The following ERN1 variants were observed in gnomAD, a reference collection of about 807,000 sequenced individuals.
ERN1 encodes endoplasmic reticulum to nucleus signaling 1, also known as serine/threonine-protein kinase/endoribonuclease IRE1.
A neutral mutation model predicts 113.1 loss-of-function variants in ERN1; 39 were observed. The ratio of observed to expected loss-of-function variants is 0.34; its 90% CI spans 0.27 to 0.45. ERN1 has a LOEUF of 0.45. Ranked by LOEUF, ERN1 falls within the 20% of genes least tolerant of loss-of-function variation. ERN1 has a pLI of 1.00. For synonymous variants in ERN1, 507 were observed against 515.9 expected (o/e 0.98, Z 0.23); for missense variants, 976 against 1,274.8 (o/e 0.77, Z 3.57).
At chr17:64,055,990 C>G in intron 12 of ERN1, 42 bp from the exon 13 acceptor site, 1 of 1,496,354 alleles carries the variant, frequency 6.7e-7, no homozygotes, top group South Asian at 1.3e-5. Flanking sequence ...CAGCTGTTCC[C>G]ACAGGGAAAC....
Position 64,049,575 on chromosome 17 carries a change from A to G in ERN1, c.2254-373T>C, listed in dbSNP as rs535841309. Among the ~76,000 whole-genome samples, 1 of 152,304 alleles carries G rather than the reference A, an allele frequency of 6.6e-6. No individual in the cohort carries two copies. The highest frequency in any genetic ancestry group is 6.5e-5 in the Admixed American group (1 of 15,304). On this transcript the variant is annotated intron_variant, in intron 17 of 21. Coordinates refer to ENST00000433197, the MANE Select transcript of ERN1 (RefSeq NM_001433.5). The surrounding 1 kb of genome is among the most constrained non-coding windows in gnomAD (Gnocchi z 4.7). ...TTATATATTCCTTACCCCCAACACGAAAGTGCTCACAGACAGGGTCTCTGT... is the reference window on the plus strand; with the variant it reads ...TTATATATTCCTTACCCCCAACACGGAAGTGCTCACAGACAGGGTCTCTGT...
intron 2 of ERN1, among the ~76,000 whole-genome samples, chr17:64,093,728 G>A (rs542880089): frequency 6.6e-6 from 1 of 152,242 alleles, no homozygotes; most frequent in South Asian, 2.1e-4. Flanking sequence ...ATCACACTGA[G>A]GGCCAGGGCT....
At chr17:64,112,458 T>C (rs1220297547) in intron 1 of ERN1, among the ~76,000 whole-genome samples, 3 of 152,114 alleles carry the variant, frequency 2.0e-5, no homozygotes, top group African/African-American at 4.8e-5. Context: ...AGTTATGGGA[T>C]TGTATTTCCA....
chr17:64,055,577 T>G, intron 13 of ERN1, 98 bp downstream of exon 13: 1 of 1,176,564 alleles, frequency 8.5e-7, no homozygotes, highest in Non-Finnish European at 1.2e-6. Context: ...AGTGAACCCC[T>G]GAGAATGGTA....
At chr17:64,078,665 T>G (rs1311572656) in intron 4 of ERN1, among the ~76,000 whole-genome samples, 1 of 152,136 alleles carries the variant, frequency 6.6e-6, no homozygotes, top group Non-Finnish European at 1.5e-5. Context: ...AGTCAATACT[T>G]TTATTCCTAT....
intron 2 of ERN1, among the ~76,000 whole-genome samples, chr17:64,086,504 T>C (rs1913928492): frequency 2.6e-5 from 4 of 152,166 alleles, no homozygotes; most frequent in African/African-American, 7.2e-5. Flanking sequence ...CACAATCTGT[T>C]TACCTATTTA....
chr17:64,054,193 G>T lies in ERN1; in HGVS notation c.1953+57C>A. 6.8e-7 allele frequency: 1 copy of T among 1,462,650 alleles called. No individual in the cohort carries two copies. 90.6% of individuals were successfully genotyped at this position (1,462,650 alleles called of 1,614,324 possible). On this transcript the variant is annotated intron_variant, in intron 15 of 21. Transcript: ENST00000433197. The surrounding 1 kb of genome is among the most constrained non-coding windows in gnomAD (Gnocchi z 4.9). ...GAGCTCACGTGATCTGCTCACTTTG[G>T]CCTCCCAAAGTGCTATGACTTTAAT...
chr17:64,043,657 T>C lies in ERN1; in HGVS notation c.*331A>G. 4.5e-6 allele frequency: 1 copy of C among 224,220 alleles called. No individual in the cohort carries two copies. The highest frequency in any genetic ancestry group is 2.3e-5 in the African/African-American group (1 of 44,382). The allele number at this position is 224,220 out of a possible 1,614,324, so 13.9% of individuals were successfully genotyped here. On this transcript the variant is annotated 3_prime_UTR_variant, in exon 22 of 22. Transcript: ENST00000433197. ...TTCCTGAAAGGCCTGTAGACTGACA[T>C]TAAGCAGGAATTTAAAAAGTCTGAA... is the stretch of plus-strand genomic sequence containing the variant.
At chr17:64,077,449 G>A (rs1263592581) in intron 4 of ERN1, among the ~76,000 whole-genome samples, 1 of 151,868 alleles carries the variant, frequency 6.6e-6, no homozygotes, top group African/African-American at 2.4e-5. Context: ...TAACTCTCCA[G>A]GGGTAACTAT....
chr17:64,040,869 G>C lies in ERN1; in HGVS notation c.*3119C>G, dbSNP rs899124264. 6.6e-6 allele frequency: 1 copy of C among 152,260 alleles called. No homozygotes were observed. Among genetic ancestry groups the C allele is most frequent in the Non-Finnish European group, 1.5e-5 (1 of 68,076 alleles). The allele number at this position is 152,260 out of a possible 1,614,324, so 9.4% of individuals were successfully genotyped here. ...CACTTCAAAAACTGAGATTAGGCCGGGTGCGGTGGCTCAAGCCTGTAATCC... is the reference window on the plus strand; with the variant it reads ...CACTTCAAAAACTGAGATTAGGCCGCGTGCGGTGGCTCAAGCCTGTAATCC... On this transcript the variant is annotated 3_prime_UTR_variant, in exon 22 of 22. Coordinates refer to ENST00000433197, the MANE Select transcript of ERN1 (RefSeq NM_001433.5).
At chr17:64,045,631 T>C in intron 19 of ERN1, 149 bp from the exon 20 acceptor site, 1 of 883,934 alleles carries the variant, frequency 1.1e-6, no homozygotes, top group Non-Finnish European at 1.8e-6. Flanking sequence ...CCCTCATCCA[T>C]GACTTTCCCT....
intron 1 of ERN1, chr17:64,102,771 T>C (rs1027225290): frequency 8.1e-6 from 8 of 985,194 alleles, no homozygotes; most frequent in Non-Finnish European, 9.6e-6. Flanking sequence ...ACAAGCAACA[T>C]ACCCTACGGC....
Position 64,052,956 on chromosome 17 carries a change from T to C in ERN1, c.2077A>G (p.Asn693Asp). Residue 693 changes from asparagine to aspartate, a missense_variant, in exon 17 of 22, where the codon AAC becomes GAC. By Grantham distance (23) the Asn-to-Asp change is conservative (BLOSUM62 1). Coordinates refer to ENST00000433197, the MANE Select transcript of ERN1 (RefSeq NM_001433.5). ...GCATTGGGCATGGATATGAGGATGT[T>C]GTGTGGCTTTAGGTCTCTGTGAACT... ...NIVHRDLKPH[N>D]ILISMPNAHG... is the part of the protein sequence containing the mutation. 1.2e-6 allele frequency: 2 copies of C among 1,612,914 alleles called. No homozygotes were observed. Among genetic ancestry groups the C allele is most frequent in the Non-Finnish European group, 1.7e-6 (2 of 1,179,290 alleles).
At chr17:64,108,967 A>T (rs1056655512) in intron 1 of ERN1, among the ~76,000 whole-genome samples, 1 of 152,148 alleles carries the variant, frequency 6.6e-6, no homozygotes, top group Non-Finnish European at 1.5e-5. Context: ...TACTAAAAAC[A>T]CAAAAAATTA....
chr17:64,054,089 A>G lies in ERN1; in HGVS notation c.1953+161T>C, dbSNP rs1912775190. ...CAAGTAGCTGGGGCTACAGGAACAC[A>G]TCGCTAGGCCTGGCTAATTTTTGGT... On this transcript the variant is annotated intron_variant, in intron 15 of 21. Transcript: ENST00000433197. The surrounding 1 kb of genome is among the most constrained non-coding windows in gnomAD (Gnocchi z 4.9). The G allele has an allele frequency of 1.7e-6, 1 of 596,828 alleles. No homozygotes were observed. The allele number at this position is 596,828 out of a possible 1,614,324, so 37.0% of individuals were successfully genotyped here.
chr17:64,119,096 T>C (rs1914883546), intron 1 of ERN1, among the ~76,000 whole-genome samples: 1 of 152,146 alleles, frequency 6.6e-6, no homozygotes, highest in Non-Finnish European at 1.5e-5. Flanking sequence ...GAAAACAACA[T>C]TGTTTTGATT....
chr17:64,068,236 G>A lies in ERN1; in HGVS notation c.534C>T (p.Thr178=). Residue 178 remains threonine (T), a synonymous_variant, in exon 7 of 22, where the codon ACC becomes ACT. Coordinates refer to ENST00000433197, the MANE Select transcript of ERN1 (RefSeq NM_001433.5). ...TKTRELRWNA[T]YFDYAASLPE... ...GCAGTGAGGCCGCATAGTCAAAGTAGGTGGCATTCCACCGGAGCTCTCGGG... is the reference window on the plus strand; with the variant it reads ...GCAGTGAGGCCGCATAGTCAAAGTAAGTGGCATTCCACCGGAGCTCTCGGG... 6.2e-7 allele frequency: 1 copy of A among 1,612,838 alleles called. No homozygotes were observed. Among genetic ancestry groups the A allele is most frequent in the South Asian group, 1.1e-5 (1 of 90,726 alleles).
chr17:64,077,909 C>A (rs1459427838), intron 4 of ERN1, among the ~76,000 whole-genome samples: 1 of 152,108 alleles, frequency 6.6e-6, no homozygotes, highest in Non-Finnish European at 1.5e-5. Context: ...CCGCACCTGG[C>A]TAATTTTTTG....
rs1915203718 is a variant in ERN1 at position 64,130,126 on chromosome 17, G to A, written c.-97C>T. ...AGGCGGTGACCGAGCCTCAGCGGAC[G>A]CAGAACTGACTAGGCAGCGGCGGCA... is the stretch of plus-strand genomic sequence containing the variant. On this transcript the variant is annotated 5_prime_UTR_variant, in exon 1 of 22. Transcript: ENST00000433197. The surrounding 1 kb of genome is among the most constrained non-coding windows in gnomAD (Gnocchi z 4.0). 5.3e-6 allele frequency: 6 copies of A among 1,137,332 alleles called. No individual in the cohort carries two copies. Among genetic ancestry groups the A allele is most frequent in the African/African-American group, 1.6e-5 (1 of 61,718 alleles). The allele number at this position is 1,137,332 out of a possible 1,614,324, so 70.5% of individuals were successfully genotyped here. A position where few individuals can be genotyped will look rare whatever the true frequency, so the allele number is the denominator to read the frequency against.
Sources: gnomAD v4.1 joint callset for allele counts (sites outside exome capture counted in the v4.1 genomes callset) on GRCh38, gnomAD v4.1.1 for gene constraint, Gnocchi (gnomAD v3.1) non-coding constraint, MANE v1.5 for transcripts, NCBI Gene and HGNC (gene_info 2026-07-23, HGNC 2026-07-21) for gene names.